The following CADPS2 variants were observed in gnomAD, a reference collection of about 807,000 sequenced individuals.
CADPS2 encodes the protein calcium-dependent secretion activator 2.
In CADPS2, 93 loss-of-function variants were observed where a neutral mutation model predicts 172.5. The observed-to-expected ratio is 0.54, with a 90% CI of 0.46 to 0.64. The LOEUF is 0.64. Among genes scored for constraint, CADPS2 ranks in the 30% least tolerant of loss-of-function variants. The probability of loss-of-function intolerance (pLI) is 0.00; values close to 1 mark genes in which losing one functional copy is unlikely to be tolerated. For missense variants in CADPS2, 1,420 were observed against 1,565.9 expected (o/e 0.91, Z 1.57); for synonymous variants, 546 against 555.2 (o/e 0.98, Z 0.23).
intron 3 of CADPS2, among the ~76,000 whole-genome samples, chr7:122,660,291 A>G (rs1167695609): frequency 6.6e-6 from 1 of 152,186 alleles, no homozygotes; most frequent in Non-Finnish European, 1.5e-5. Flanking sequence ...GAAGCCTTAT[A>G]GTATAGTGTT....
chr7:122,821,030 T>A (rs867733248), intron 1 of CADPS2, among the ~76,000 whole-genome samples: 14 of 150,230 alleles, frequency 9.3e-5, no homozygotes, highest in African/African-American at 3.0e-4. Context: ...TTCTGCTTCC[T>A]GGCTCCTTCA....
chr7:122,807,192 G>T (rs994683493), intron 1 of CADPS2, among the ~76,000 whole-genome samples: 4 of 152,176 alleles, frequency 2.6e-5, no homozygotes, highest in Non-Finnish European at 1.5e-5. Flanking sequence ...CAGACCCTTG[G>T]TAAGTTCATA....
At chr7:122,395,563 C>A (rs2044979824) in intron 20 of CADPS2, 1 of 152,094 alleles carries the variant, frequency 6.6e-6, no homozygotes, top group Non-Finnish European at 1.5e-5. Context: ...TATCAAATGC[C>A]ACCTAAATAA....
At chr7:122,384,491 T>C (rs2043388491) in intron 24 of CADPS2, among the ~76,000 whole-genome samples, 1 of 152,136 alleles carries the variant, frequency 6.6e-6, no homozygotes, top group East Asian at 1.9e-4. Context: ...GTATATGTAA[T>C]GTATATACTA....
intron 2 of CADPS2, chr7:122,703,011 T>C (rs2086414888): frequency 4.8e-6 from 2 of 419,342 alleles, no homozygotes; most frequent in Non-Finnish European, 8.5e-6. Flanking sequence ...GGGGAAATTA[T>C]GACATCAGAG....
chr7:122,586,686 A>G (rs1188738575), intron 6 of CADPS2, among the ~76,000 whole-genome samples: 1 of 151,964 alleles, frequency 6.6e-6, no homozygotes, highest in Non-Finnish European at 1.5e-5. Context: ...GTCTCTGTTA[A>G]ACTCTGTTCT....
chr7:122,712,664 C>T (rs2088934244), intron 2 of CADPS2, among the ~76,000 whole-genome samples: 1 of 152,062 alleles, frequency 6.6e-6, no homozygotes, highest in East Asian at 1.9e-4. Flanking sequence ...TCTGTTTGGG[C>T]TGTTATAACA....
chr7:122,854,641 A>G (rs1056897424), intron 1 of CADPS2, among the ~76,000 whole-genome samples: 1 of 152,230 alleles, frequency 6.6e-6, no homozygotes, highest in African/African-American at 2.4e-5. Flanking sequence ...CTCAGGACTA[A>G]TGCTTTTTAT....
chr7:122,542,028 T>C (rs1435550377), intron 8 of CADPS2, among the ~76,000 whole-genome samples: 3 of 151,638 alleles, frequency 2.0e-5, no homozygotes, highest in Non-Finnish European at 2.9e-5. Flanking sequence ...AAATTATCTA[T>C]TGTGTAATGA....
rs192087344 is a variant in CADPS2, at chr7:122,404,505, C to T, written c.2746+3035G>A. Among the ~76,000 whole-genome samples, 12 of 152,214 alleles carry T rather than the reference C, an allele frequency of 7.9e-5. No homozygotes were observed. The East Asian group carries it at 2.3e-3, about 29-fold the overall frequency. ...TGATTTCTAATTCTTTGGGTATATA[C>T]CCAGTAATGCGATTGCTGGGTCAAA... On this transcript the variant is annotated intron_variant, in intron 20 of 29. Transcript: ENST00000449022.
At chr7:122,399,028 A>G (rs2045550698) in intron 20 of CADPS2, among the ~76,000 whole-genome samples, 1 of 152,166 alleles carries the variant, frequency 6.6e-6, no homozygotes, top group South Asian at 2.1e-4. Flanking sequence ...ATTAACTAGT[A>G]TAATAACCCC....
intron 9 of CADPS2, 120 bp downstream of exon 9, chr7:122,513,129 A>C (rs2130833122): frequency 1.5e-6 from 1 of 661,298 alleles, no homozygotes; most frequent in East Asian, 2.8e-5. Flanking sequence ...GCTTTTATTT[A>C]AAGTGGCTTA....
chr7:122,522,473 T>TGACATTTTGATACATGC (rs2060883662), intron 8 of CADPS2, among the ~76,000 whole-genome samples: 1 of 152,184 alleles, frequency 6.6e-6, no homozygotes, highest in African/African-American at 2.4e-5. Context: ...GGGATACATG[T>TGACATTTTGATACATGC]GACATTTTGA....
chr7:122,471,241 GT>G (rs908853602), intron 14 of CADPS2, 133 bp downstream of exon 14: 10,276 of 485,542 alleles, frequency 0.021, no homozygotes, highest in East Asian at 0.045. Context: ...TTTCTCTGTC[GT>G]TTTTTTTTTT....
At chr7:122,385,986 T>C (rs1430496248) in intron 24 of CADPS2, among the ~76,000 whole-genome samples, 1 of 152,092 alleles carries the variant, frequency 6.6e-6, no homozygotes, top group Non-Finnish European at 1.5e-5. Flanking sequence ...TAAAAGAAGG[T>C]GAATTAATTT....
chr7:122,719,759 C>G (rs1031655038), intron 2 of CADPS2, among the ~76,000 whole-genome samples: 4 of 151,310 alleles, frequency 2.6e-5, no homozygotes, highest in African/African-American at 7.3e-5. Context: ...AAAATCTCAG[C>G]AGTATATAAA....
intron 3 of CADPS2, among the ~76,000 whole-genome samples, chr7:122,654,471 A>G (rs1261211974): frequency 2.0e-5 from 3 of 152,218 alleles, no homozygotes; most frequent in South Asian, 2.1e-4. Context: ...CTCACTTACT[A>G]TTCTGAAAAC....
intron 7 of CADPS2, among the ~76,000 whole-genome samples, chr7:122,574,549 G>T (rs1177586847): frequency 6.8e-6 from 1 of 148,066 alleles, no homozygotes; most frequent in Non-Finnish European, 1.5e-5. Context: ...AACAACCAGT[G>T]CTAATAACAG....
intron 9 of CADPS2, among the ~76,000 whole-genome samples, chr7:122,505,109 T>C (rs1324586680): frequency 6.6e-6 from 1 of 152,226 alleles, no homozygotes; most frequent in Admixed American, 6.5e-5. Flanking sequence ...CAAAAGCTCT[T>C]TATATAATTA....
Sources: gnomAD v4.1 joint callset for allele counts (sites outside exome capture counted in the v4.1 genomes callset) on GRCh38, gnomAD v4.1.1 for gene constraint, MANE v1.5 for transcripts, NCBI Gene and HGNC (gene_info 2026-07-23, HGNC 2026-07-21) for gene names.